CADPS2: variants seen among roughly 807,000 people sequenced by gnomAD.
CADPS2 encodes the protein calcium-dependent secretion activator 2.
CADPS2 carries 93 observed loss-of-function variants against 172.5 expected under a neutral mutation model. That is an observed-to-expected ratio of 0.54 (90% CI 0.46 to 0.64). The LOEUF (loss-of-function observed/expected upper bound fraction) is 0.64. Among genes scored for constraint, CADPS2 ranks in the 30% least tolerant of loss-of-function variants. The pLI is 0.00. For synonymous variants in CADPS2, 546 were observed against 555.2 expected, an observed-to-expected ratio of 0.98 and a Z score of 0.23; for missense variants, 1,420 against 1,565.9, an observed-to-expected ratio of 0.91 and a Z score of 1.57.
intron 1 of CADPS2, among the ~76,000 whole-genome samples, chr7:122,832,256 G>A (rs1338899181): frequency 2.0e-5 from 3 of 150,354 alleles, no homozygotes; most frequent in Admixed American, 2.0e-4. Context: ...AAGGTCTTAG[G>A]TAAAACAGAG....
chr7:122,623,370 T>A (rs1172969482), intron 4 of CADPS2, among the ~76,000 whole-genome samples: 1 of 152,154 alleles, frequency 6.6e-6, no homozygotes, highest in Admixed American at 6.5e-5. Context: ...AGAAAAAGCA[T>A]CCAAAACTGA....
intron 1 of CADPS2, chr7:122,850,272 G>A (rs1199700242): frequency 2.6e-6 from 2 of 766,084 alleles, no homozygotes; most frequent in African/African-American, 1.8e-5. Flanking sequence ...GGGGCCCCAG[G>A]ACTCCCCAGC....
chr7:122,404,067 G>A (rs923838712), intron 20 of CADPS2, among the ~76,000 whole-genome samples: 5 of 152,006 alleles, frequency 3.3e-5, no homozygotes, highest in Middle Eastern at 6.8e-3. Context: ...ATGTATACAC[G>A]TGCCATGCTG....
At chr7:122,831,752 A>T (rs1373607294) in intron 1 of CADPS2, among the ~76,000 whole-genome samples, 1 of 152,204 alleles carries the variant, frequency 6.6e-6, no homozygotes, top group Non-Finnish European at 1.5e-5. Flanking sequence ...AGAGGGGACC[A>T]TACAGAAGAA....
intron 20 of CADPS2, among the ~76,000 whole-genome samples, chr7:122,404,177 G>C (rs1413223630): frequency 6.6e-6 from 1 of 151,482 alleles, no homozygotes; most frequent in Non-Finnish European, 1.5e-5. Flanking sequence ...AGTGTGGGAT[G>C]TTCCCCTTCC....
chr7:122,877,845 T>TA (rs1181762575), intron 1 of CADPS2, among the ~76,000 whole-genome samples: 1 of 152,200 alleles, frequency 6.6e-6, no homozygotes, highest in Non-Finnish European at 1.5e-5. Context: ...ACAGAAATCC[T>TA]ATGATTTTTA....
chr7:122,794,544 A>G (rs567183333), intron 1 of CADPS2, among the ~76,000 whole-genome samples: 1 of 152,120 alleles, frequency 6.6e-6, no homozygotes, highest in South Asian at 2.1e-4. Flanking sequence ...TCCCACTGAC[A>G]ATATTAAATC....
chr7:122,845,940 T>C (rs1051564912), intron 1 of CADPS2, among the ~76,000 whole-genome samples: 4 of 152,144 alleles, frequency 2.6e-5, no homozygotes, highest in African/African-American at 9.6e-5. Context: ...GCCAACACGG[T>C]GGTCCCTCAT....
At chr7:122,446,347 C>T (rs543200847) in intron 15 of CADPS2, among the ~76,000 whole-genome samples, 1 of 152,220 alleles carries the variant, frequency 6.6e-6, no homozygotes, top group African/African-American at 2.4e-5. Flanking sequence ...TATGCTTGAT[C>T]TCTGTATTCA....
chr7:122,847,119 C>T (rs1812202064), intron 1 of CADPS2, among the ~76,000 whole-genome samples: 1 of 151,890 alleles, frequency 6.6e-6, no homozygotes, highest in African/African-American at 2.4e-5. Flanking sequence ...TGGAGTCTTG[C>T]TGTGTTGTCC....
intron 1 of CADPS2, among the ~76,000 whole-genome samples, chr7:122,819,665 TGC>T (rs1802549265): frequency 1.3e-5 from 2 of 152,088 alleles, no homozygotes; most frequent in Admixed American, 1.3e-4. Context: ...TATCCCCACC[TGC>T]CCAGTTCCCT....
intron 3 of CADPS2, among the ~76,000 whole-genome samples, chr7:122,644,083 G>GGAAGGAAGGAAT (rs910851253): frequency 6.6e-6 from 1 of 150,692 alleles, no homozygotes; most frequent in Non-Finnish European, 1.5e-5. Flanking sequence ...AGAAAAGAAA[G>GGAAGGAAGGAAT]GAAGGAAGGA....
intron 2 of CADPS2, among the ~76,000 whole-genome samples, chr7:122,695,632 T>C (rs2084973548): frequency 6.6e-6 from 1 of 152,186 alleles, no homozygotes; most frequent in Non-Finnish European, 1.5e-5. Flanking sequence ...TTTCACTGAC[T>C]TGACCCTTTC....
intron 1 of CADPS2, among the ~76,000 whole-genome samples, chr7:122,836,071 A>G (rs1808321985): frequency 6.6e-6 from 1 of 152,220 alleles, no homozygotes; most frequent in Non-Finnish European, 1.5e-5. Flanking sequence ...TCAGACTAAC[A>G]GTGGATCTCT....
chr7:122,721,240 C>A (rs531262524), intron 2 of CADPS2, among the ~76,000 whole-genome samples: 1 of 152,034 alleles, frequency 6.6e-6, no homozygotes, highest in East Asian at 1.9e-4. Context: ...AAAAAACCAA[C>A]AAATCCAGGA....
chr7:122,736,289 C>T (rs2092144192), intron 2 of CADPS2, among the ~76,000 whole-genome samples: 2 of 152,144 alleles, frequency 1.3e-5, no homozygotes, highest in African/African-American at 4.8e-5. Flanking sequence ...TATGCTTCTT[C>T]AGCTGAAAGG....
intron 2 of CADPS2, among the ~76,000 whole-genome samples, chr7:122,703,817 A>C (rs1156805741): frequency 2.0e-5 from 3 of 152,184 alleles, no homozygotes; most frequent in African/African-American, 7.2e-5. Flanking sequence ...ATGTAGAGAC[A>C]CAGACAAAGG....
intron 3 of CADPS2, among the ~76,000 whole-genome samples, chr7:122,645,658 G>GATATATATATATATATATAT (rs71161314): frequency 1.1e-4 from 12 of 106,650 alleles, no homozygotes; most frequent in Non-Finnish European, 2.2e-4. Context: ...ATATCTCTAA[G>GATATATATATATATATATAT]ATATATATAT....
intron 22 of CADPS2, 81 bp from the exon 23 acceptor site, chr7:122,388,819 C>T (rs2151447823): frequency 8.3e-7 from 1 of 1,204,850 alleles, no homozygotes; most frequent in Non-Finnish European, 1.1e-6. Context: ...TTCTTTTCTG[C>T]ATCAATTGCC....
Sources: allele counts gnomAD v4.1 joint callset (sites outside exome capture counted in the v4.1 genomes callset), GRCh38; gene constraint gnomAD v4.1.1; transcripts MANE v1.5; gene names NCBI Gene and HGNC (gene_info 2026-07-23, HGNC 2026-07-21).